Variants in PACRG observed in about 807,000 individuals in gnomAD.
PACRG encodes parkin coregulated.
Under a neutral mutation model 29.7 loss-of-function variants are expected in PACRG, and 29 were observed. That is an observed-to-expected ratio of 0.98 (90% confidence interval 0.73 to 1.33). PACRG has a LOEUF of 1.33. PACRG is among the 40% of genes most tolerant of loss of function. The pLI, the probability that PACRG is intolerant of heterozygous loss-of-function variation, is 0.00. For missense variants in PACRG, 279 were observed against 316.2 expected, an observed-to-expected ratio of 0.88 and a Z score of 0.89; for synonymous variants, 116 against 118.7, an observed-to-expected ratio of 0.98 and a Z score of 0.15.
chr6:163,130,624 G>C (rs1334786440), intron 4 of PACRG, among the ~76,000 whole-genome samples: 1 of 152,172 alleles, frequency 6.6e-6, no homozygotes, highest in Admixed American at 6.5e-5. Flanking sequence ...GATTTTCAAA[G>C]ATTTTTCCCA....
intron 2 of PACRG, among the ~76,000 whole-genome samples, chr6:162,885,421 C>T (rs2128027066): frequency 6.6e-6 from 1 of 152,124 alleles, no homozygotes; most frequent in African/African-American, 2.4e-5. Context: ...AGGAGCGTGC[C>T]ACAACACCTG....
At chr6:163,119,762 G>A (rs1816182363) in intron 4 of PACRG, among the ~76,000 whole-genome samples, 1 of 152,168 alleles carries the variant, frequency 6.6e-6, no homozygotes, top group South Asian at 2.1e-4. Context: ...GAGGGTCAAG[G>A]CAAGAAAAGT....
In PACRG at chr6:162,814,273, G is replaced by T. The variant is rs763185634; in HGVS notation, c.283G>T (p.Ala95Ser). The change falls in exon 2 of 5, where the codon GCC (alanine) becomes TCC (serine). Residue 95 changes from alanine to serine, a missense_variant. Transcript: ENST00000366888. Reference sequence around the variant, plus strand: ...GCATGATTCGAAAGGAAACAAAATCGCCTGGAAGGTAAGTCAGGGCACAGC... The same window carrying T: ...GCATGATTCGAAAGGAAACAAAATCTCCTGGAAGGTAAGTCAGGGCACAGC... The part of the protein sequence containing the change: ...LEHDSKGNKI[A>S]WKVEIEKLDY... The T allele has an allele frequency of 6.2e-7, 1 of 1,613,520 alleles. No individual in the cohort carries two copies. The highest frequency in any genetic ancestry group is 8.5e-7 in the Non-Finnish European group (1 of 1,179,628).
intron 2 of PACRG, among the ~76,000 whole-genome samples, chr6:162,915,302 CT>C (rs1328135256): frequency 6.6e-6 from 1 of 151,370 alleles, no homozygotes; most frequent in Non-Finnish European, 1.5e-5. Flanking sequence ...GGTAGGCAAA[CT>C]TTTTTTAAAG....
chr6:162,790,052 GGAGA>G (rs1784816064), intron 1 of PACRG, among the ~76,000 whole-genome samples: 1 of 152,060 alleles, frequency 6.6e-6, no homozygotes, highest in East Asian at 1.9e-4. Flanking sequence ...GTATCTGTGG[GGAGA>G]GAGAGTCTGC....
At chr6:162,775,990 T>G (rs1471519584) in intron 1 of PACRG, among the ~76,000 whole-genome samples, 8 of 152,164 alleles carry the variant, frequency 5.3e-5, no homozygotes. Flanking sequence ...TGGGAAGCCC[T>G]TTTTAAGAAA....
At chr6:162,948,468 G>A (rs1317661427) in intron 2 of PACRG, among the ~76,000 whole-genome samples, 1 of 152,034 alleles carries the variant, frequency 6.6e-6, no homozygotes, top group East Asian at 1.9e-4. Flanking sequence ...TGCTTCAGGA[G>A]ATTGGTCTAG....
At chr6:162,923,417 A>G (rs1797206222) in intron 2 of PACRG, among the ~76,000 whole-genome samples, 1 of 152,168 alleles carries the variant, frequency 6.6e-6, no homozygotes, top group Non-Finnish European at 1.5e-5. Context: ...GGTTTTAGGC[A>G]TAAAATCTTT....
intron 4 of PACRG, among the ~76,000 whole-genome samples, chr6:163,110,347 G>A (rs1357945886): frequency 6.6e-6 from 1 of 152,142 alleles, no homozygotes; most frequent in Non-Finnish European, 1.5e-5. Context: ...GCCAACCACT[G>A]TGCTAAGCAG....
intron 1 of PACRG, among the ~76,000 whole-genome samples, chr6:162,767,233 A>G (rs1236352924): frequency 6.6e-6 from 1 of 151,928 alleles, no homozygotes; most frequent in Non-Finnish European, 1.5e-5. Context: ...CTACTTAACT[A>G]TTTGACTTAG....
chr6:162,807,813 A>G (rs78235441), intron 1 of PACRG, among the ~76,000 whole-genome samples: 4 of 152,220 alleles, frequency 2.6e-5, no homozygotes, highest in Admixed American at 6.5e-5. Flanking sequence ...CAGACCTTCA[A>G]TTTACTAAAT....
intron 4 of PACRG, among the ~76,000 whole-genome samples, chr6:163,220,883 T>C (rs1781559938): frequency 6.6e-6 from 1 of 152,172 alleles, no homozygotes; most frequent in African/African-American, 2.4e-5. Flanking sequence ...GAGGTAAGAT[T>C]CATTATTGTC....
Position 163,093,954 on chromosome 6 carries a change from G to A in PACRG, c.613+4546G>A, listed in dbSNP as rs73593727. 7.5e-3 allele frequency among the ~76,000 whole-genome samples: 1,144 copies of A among 152,302 alleles called. 20 individuals are homozygous for A. The highest frequency in any genetic ancestry group is 0.026 in the African/African-American group (1,081 of 41,560). On this transcript the variant is annotated intron_variant, in intron 4 of 4. Transcript: ENST00000366888. ...AGGTCTTTGACCTGTAATTTAAACGGCTTCTAAGAAATAGAAGTAATTATT... is the reference window on the plus strand; with the variant it reads ...AGGTCTTTGACCTGTAATTTAAACGACTTCTAAGAAATAGAAGTAATTATT...
At chr6:163,238,679 C>T (rs1782341971) in intron 4 of PACRG, among the ~76,000 whole-genome samples, 1 of 152,244 alleles carries the variant, frequency 6.6e-6, no homozygotes, top group Non-Finnish European at 1.5e-5. Context: ...ACACCACCAT[C>T]AAGGACTTTC....
chr6:162,870,313 T>A (rs943400993), intron 2 of PACRG, among the ~76,000 whole-genome samples: 1 of 152,266 alleles, frequency 6.6e-6, no homozygotes, highest in African/African-American at 2.4e-5. Flanking sequence ...TACAATACTC[T>A]AACTTTTTTA....
chr6:163,145,696 G>C lies in PACRG; in HGVS notation c.613+56288G>C, dbSNP rs556963180. Reference sequence around the variant, plus strand: ...ACAGAAAGCGTCAGTACCTGGAGCGGTTAATCCATCCTCTGAACCGACTGG... The same window carrying C: ...ACAGAAAGCGTCAGTACCTGGAGCGCTTAATCCATCCTCTGAACCGACTGG... On this transcript the variant is annotated intron_variant, in intron 4 of 4. Coordinates refer to ENST00000366888, the MANE Select transcript of PACRG (RefSeq NM_001080379.2). Among the ~76,000 whole-genome samples, 6 of 152,348 alleles carry C rather than the reference G, an allele frequency of 3.9e-5. No homozygotes were observed. In the East Asian group the frequency reaches 1.2e-3, roughly 29 times the overall value.
At chr6:163,117,091 A>C (rs1816038535) in intron 4 of PACRG, among the ~76,000 whole-genome samples, 1 of 151,620 alleles carries the variant, frequency 6.6e-6, no homozygotes, top group Non-Finnish European at 1.5e-5. Context: ...AAAATCAGAA[A>C]GCCAGGAGAG....
intron 2 of PACRG, among the ~76,000 whole-genome samples, chr6:162,830,543 T>A (rs1261199382): frequency 6.6e-6 from 1 of 152,180 alleles, no homozygotes; most frequent in Non-Finnish European, 1.5e-5. Context: ...AGGGACACAG[T>A]GATGTTTCTC....
chr6:163,146,757 A>G (rs1777818746), intron 4 of PACRG, among the ~76,000 whole-genome samples: 1 of 152,248 alleles, frequency 6.6e-6, no homozygotes, highest in Non-Finnish European at 1.5e-5. Context: ...ATTTTGCCTT[A>G]CAAACTAACA....
Sources: gnomAD v4.1 joint callset for allele counts (sites outside exome capture counted in the v4.1 genomes callset) on GRCh38, gnomAD v4.1.1 for gene constraint, MANE v1.5 for transcripts, NCBI Gene and HGNC (gene_info 2026-07-23, HGNC 2026-07-21) for gene names.